The following BPIFC variants were observed in gnomAD, a reference collection of about 807,000 sequenced individuals.
BPIFC encodes the protein BPI fold containing family C, also known as BPI fold-containing family C protein.
In BPIFC, 60 loss-of-function variants were observed where a neutral mutation model predicts 57.6. That is an observed-to-expected ratio of 1.04 (90% CI 0.85 to 1.29). The LOEUF is 1.29. BPIFC is among the 50% of genes most tolerant of loss of function. The probability of loss-of-function intolerance (pLI) is 0.00; values close to 1 mark genes in which losing one functional copy is unlikely to be tolerated. For synonymous variants in BPIFC, 243 were observed against 224.5 expected (o/e 1.08, Z -0.74); for missense variants, 581 against 600.5 (o/e 0.97, Z 0.34).
rs184369706 is a variant in BPIFC at position 32,453,907 on chromosome 22, C to T, written c.125-404G>A. Among the ~76,000 whole-genome samples the T allele has an allele frequency of 1.1e-4, 16 of 151,690 alleles. No individual in the cohort carries two copies. The East Asian group carries it at 2.7e-3, about 26-fold the overall frequency. ...AAACCAGTCTGGGAAACATTGAGATCCTGTCTCTACAAAAACAAACAACAA... is the reference window on the plus strand; with the variant it reads ...AAACCAGTCTGGGAAACATTGAGATTCTGTCTCTACAAAAACAAACAACAA... On this transcript the variant is annotated intron_variant, in intron 3 of 16. Transcript: ENST00000300399.
At chr22:32,422,978 A>C (rs926894967) in intron 13 of BPIFC, among the ~76,000 whole-genome samples, 2 of 152,210 alleles carry the variant, frequency 1.3e-5, no homozygotes, top group Admixed American at 6.5e-5. Flanking sequence ...GGTTCTCAGT[A>C]AATTCTTACT....
At chr22:32,449,378 A>T (rs1473687553) in intron 4 of BPIFC, among the ~76,000 whole-genome samples, 2 of 152,244 alleles carry the variant, frequency 1.3e-5, no homozygotes, top group Non-Finnish European at 2.9e-5. Context: ...GTGAATGAAG[A>T]TGAAGAAAAA....
chr22:32,432,683 T>C (rs1416556917), intron 11 of BPIFC, 140 bp from the exon 12 acceptor site: 1 of 798,916 alleles, frequency 1.3e-6, no homozygotes, highest in Admixed American at 3.0e-5. Context: ...TAATCATAAT[T>C]ACACACAAAA....
intron 10 of BPIFC, among the ~76,000 whole-genome samples, chr22:32,435,167 A>T (rs1488173168): frequency 1.3e-5 from 2 of 152,188 alleles, no homozygotes; most frequent in Non-Finnish European, 2.9e-5. Context: ...AAGTTATATA[A>T]ATTGAAATTA....
At chr22:32,446,061 G>GGGTA in intron 5 of BPIFC, 65 bp from the exon 6 acceptor site, 1 of 1,569,278 alleles carries the variant, frequency 6.4e-7, no homozygotes, top group Non-Finnish European at 8.7e-7. Context: ...TTGTTTCTCT[G>GGGTA]ATTACCCAGA....
At chr22:32,462,659 A>G (rs1489054881) in intron 1 of BPIFC, among the ~76,000 whole-genome samples, 2 of 152,212 alleles carry the variant, frequency 1.3e-5, no homozygotes, top group African/African-American at 2.4e-5. Context: ...TGACTCGTCC[A>G]AGATCCCACA....
chr22:32,443,922 CT>C (rs1238791359), intron 7 of BPIFC, among the ~76,000 whole-genome samples: 12 of 152,140 alleles, frequency 7.9e-5, no homozygotes, highest in Non-Finnish European at 5.9e-5. Context: ...TGACGGTCCC[CT>C]AATTACAGAT....
At position 32,446,923 on chromosome 22, in the gene BPIFC, A is replaced by G. The variant is rs966471146; in HGVS notation, c.374+289T>C. On this transcript the variant is annotated intron_variant, in intron 5 of 16. Transcript: ENST00000300399. ...TGCAGTGATTTGTGGGTGATCGAAA[A>G]TGTTGAGCATGCATCTGTTTCTCTG... The G allele has an allele frequency of 7.4e-6, 4 of 539,724 alleles. No homozygotes were observed. The African/African-American group carries it at 8.3e-5, about 11-fold the overall frequency. The allele number at this position is 539,724 out of a possible 1,614,324, so 33.4% of individuals were successfully genotyped here.
At chr22:32,417,235 G>C (rs78986210) in intron 14 of BPIFC, 87 bp from the exon 15 acceptor site, 8 of 933,764 alleles carry the variant, frequency 8.6e-6, no homozygotes, top group Admixed American at 2.1e-5. Flanking sequence ...GAGTGCAGTA[G>C]TGTGATCATG....
chr22:32,459,068 T>C (rs1304534157), intron 2 of BPIFC, among the ~76,000 whole-genome samples: 4 of 152,224 alleles, frequency 2.6e-5, no homozygotes, highest in Admixed American at 6.5e-5. Context: ...GTGAGTAATA[T>C]ATTCACAGGC....
rs538922607 is a variant in BPIFC, at chr22:32,436,008, G to A, written c.748-128C>T. Reference sequence around the variant, plus strand: ...GCTCGGGCCAGGTGTGGTGGCTCACGCCTATAATCCCAACACTTTGGGAGG... The same window carrying A: ...GCTCGGGCCAGGTGTGGTGGCTCACACCTATAATCCCAACACTTTGGGAGG... On this transcript the variant is annotated intron_variant, in intron 9 of 16. Transcript: ENST00000300399. The A allele has an allele frequency of 2.7e-4, 272 of 1,023,606 alleles. 2 individuals are homozygous for A. In the African/African-American group the frequency reaches 2.8e-3, roughly 10 times the overall value. 63.4% of individuals were successfully genotyped at this position (1,023,606 alleles called of 1,614,324 possible). A position where few individuals can be genotyped will look rare whatever the true frequency, so the allele number is the denominator to read the frequency against.
chr22:32,424,753 CTCTTCTTCT>C (rs1556036707), intron 13 of BPIFC, among the ~76,000 whole-genome samples: 841 of 35,484 alleles, frequency 0.024, 170 homozygotes, highest in African/African-American at 0.095. Context: ...CTTCTTCTTC[CTCTTCTTCT>C]TCTTCTTCTT....
rs59948938 is a variant in BPIFC, at chr22:32,450,093, TACACACACACACACAC to T, written c.246-2769_246-2754del. On this transcript the variant is annotated intron_variant, in intron 4 of 16. Transcript: ENST00000300399. ...AGTGGAATTGTTGGGTCAAAGAGCA[TACACACACACACACAC>T]ACACACACACACACACACACACACA... 8.8e-3 allele frequency among the ~76,000 whole-genome samples: 1,276 copies of T among 145,580 alleles called. 10 individuals are homozygous for T. The highest frequency in any genetic ancestry group is 0.013 in the Non-Finnish European group (835 of 66,574).
At chr22:32,442,903 G>C (rs1026174272) in intron 7 of BPIFC, among the ~76,000 whole-genome samples, 172 bp from the exon 8 acceptor site, 1 of 152,178 alleles carries the variant, frequency 6.6e-6, no homozygotes, top group Non-Finnish European at 1.5e-5. Flanking sequence ...GCTTTACGTA[G>C]ATACGGGTGG....
At chr22:32,453,626 C>T (rs1366914332) in intron 3 of BPIFC, 123 bp from the exon 4 acceptor site, 2 of 1,239,412 alleles carry the variant, frequency 1.6e-6, no homozygotes, top group African/African-American at 1.5e-5. Flanking sequence ...AAAATGGCAA[C>T]CCCACAAAGT....
chr22:32,452,637 C>CA (rs57754149), intron 4 of BPIFC, among the ~76,000 whole-genome samples: 3,357 of 135,322 alleles, frequency 0.025, 42 homozygotes, highest in African/African-American at 0.034. Context: ...GACTCCGTCT[C>CA]AAAAAAAAAA....
rs1422665723 is a variant in BPIFC at position 32,449,599 on chromosome 22, T to C, written c.246-2259A>G. On this transcript the variant is annotated intron_variant, in intron 4 of 16. Transcript: ENST00000300399. The stretch of plus-strand genomic sequence containing the variant: ...TTCTTTATAACTGCTGCAGAGTATT[T>C]CAAACTGTGGATGGATGTACCATTT... 2.0e-5 allele frequency among the ~76,000 whole-genome samples: 3 copies of C among 152,180 alleles called. No homozygotes were observed. In the East Asian group the frequency reaches 5.8e-4, roughly 29 times the overall value.
At position 32,417,108 on chromosome 22, in the gene BPIFC, A is replaced by G. The variant is rs1347121397; in HGVS notation, c.1301T>C (p.Phe434Ser). ...FENILSSILH[F>S]GVLPLANAKL... ...ACCATTGGCCAGTGGGAGGACTCCA[A>G]AGTGAAGAATGGACGATAGAATATT... Residue 434 changes from phenylalanine (F) to serine (S), a missense_variant, in exon 15 of 17, where the codon TTT becomes TCT. Coordinates refer to ENST00000300399, the MANE Select transcript of BPIFC (RefSeq NM_174932.3). The G allele has an allele frequency of 1.2e-6, 2 of 1,606,686 alleles. No individual in the cohort carries two copies. Among genetic ancestry groups the G allele is most frequent in the Non-Finnish European group, 1.7e-6 (2 of 1,173,358 alleles).
chr22:32,445,965 A>G lies in BPIFC; in HGVS notation c.406T>C (p.Ser136Pro), dbSNP rs1934717892. The G allele has an allele frequency of 1.9e-6, 3 of 1,614,002 alleles. No individual in the cohort carries two copies. Among genetic ancestry groups the G allele is most frequent in the Non-Finnish European group, 2.5e-6 (3 of 1,180,026 alleles). Reference sequence around the variant, plus strand: ...ATGATACCGGTAAAGTAGACTCCGGAGAGAAACAGATCAGCCCCTCCTGTG... The same window carrying G: ...ATGATACCGGTAAAGTAGACTCCGGGGAGAAACAGATCAGCCCCTCCTGTG... Reference protein sequence around the residue: ...QDTGGADLFLSGVYFTGIIIL... With the variant: ...QDTGGADLFLPGVYFTGIIIL... Residue 136 changes from serine to proline, a missense_variant, in exon 6 of 17, where the codon TCC becomes CCC. By Grantham distance (74) the Ser-to-Pro change is moderately conservative (BLOSUM62 -1). Transcript: ENST00000300399.
Sources: allele counts gnomAD v4.1 joint callset (sites outside exome capture counted in the v4.1 genomes callset), GRCh38; gene constraint gnomAD v4.1.1; transcripts MANE v1.5; gene names NCBI Gene and HGNC (gene_info 2026-07-23, HGNC 2026-07-21).